Variants in DLGAP1 observed in about 807,000 individuals in gnomAD.
DLGAP1 encodes disks large-associated protein 1.
DLGAP1 carries 11 observed loss-of-function variants against 90.8 expected under a neutral mutation model. The observed-to-expected ratio is 0.12, with a 90% CI of 0.08 to 0.20. The LOEUF is 0.20. Ranked by LOEUF, DLGAP1 falls within the 10% of genes least tolerant of loss-of-function variation. The pLI is 1.00. For missense variants in DLGAP1, 1,050 were observed against 1,333.8 expected, an observed-to-expected ratio of 0.79 and a Z score of 3.31; for synonymous variants, 558 against 540.7, an observed-to-expected ratio of 1.03 and a Z score of -0.44.
rs578249919 is a variant in DLGAP1, at chr18:4,007,005, T to C, written c.-158-1804A>G. On this transcript the variant is annotated intron_variant, in intron 2 of 12. Transcript: ENST00000315677. Reference sequence around the variant, plus strand: ...GCAATGTTTAACTGAATAAGAAACATACAGTAATTGTATAGAAATAGGGCT... The same window carrying C: ...GCAATGTTTAACTGAATAAGAAACACACAGTAATTGTATAGAAATAGGGCT... 3.3e-4 allele frequency among the ~76,000 whole-genome samples: 51 copies of C among 152,244 alleles called. 1 individual carries two copies. The South Asian group carries it at 0.01, about 31-fold the overall frequency.
chr18:3,704,209 G>T (rs1358462266), intron 7 of DLGAP1, among the ~76,000 whole-genome samples: 1 of 152,184 alleles, frequency 6.6e-6, no homozygotes, highest in Non-Finnish European at 1.5e-5. Flanking sequence ...GGCAAGAATG[G>T]CTTTGCCTAG....
intron 9 of DLGAP1, among the ~76,000 whole-genome samples, chr18:3,541,005 C>T (rs1356908454): frequency 1.3e-5 from 2 of 152,136 alleles, no homozygotes; most frequent in Non-Finnish European, 2.9e-5. Context: ...GGAGTCTCAA[C>T]AAAACATCCT....
At chr18:3,917,593 A>T (rs945832479) in intron 3 of DLGAP1, among the ~76,000 whole-genome samples, 1 of 152,252 alleles carries the variant, frequency 6.6e-6, no homozygotes, top group Non-Finnish European at 1.5e-5. Flanking sequence ...TGAAGTCACT[A>T]GGCATGTACT....
chr18:3,665,709 T>C (rs938610341), intron 7 of DLGAP1, among the ~76,000 whole-genome samples: 4 of 152,214 alleles, frequency 2.6e-5, no homozygotes, highest in Non-Finnish European at 5.9e-5. Flanking sequence ...ATAATATTCT[T>C]GCTCTTTTAA....
chr18:3,993,511 G>A (rs918605282), intron 3 of DLGAP1, among the ~76,000 whole-genome samples: 10 of 151,994 alleles, frequency 6.6e-5, no homozygotes, highest in African/African-American at 2.2e-4. Flanking sequence ...TCATGAAGGG[G>A]AGAAAGGGAG....
chr18:4,173,912 C>T (rs980881307), intron 1 of DLGAP1, among the ~76,000 whole-genome samples: 3 of 152,128 alleles, frequency 2.0e-5, no homozygotes, highest in African/African-American at 7.2e-5. Context: ...ACCTGGCTCT[C>T]GGGACATCTC....
intron 4 of DLGAP1, chr18:3,874,176 G>T: frequency 6.5e-7 from 1 of 1,550,058 alleles, no homozygotes; most frequent in South Asian, 1.2e-5. Context: ...TCCATTTCTT[G>T]AAACTTGCAC....
intron 1 of DLGAP1, among the ~76,000 whole-genome samples, chr18:4,357,157 CTTTT>C (rs554248097): frequency 1.8e-5 from 2 of 108,744 alleles, no homozygotes; most frequent in Non-Finnish European, 1.7e-5. Context: ...TGTTTTTTTC[CTTTT>C]TTTTTTTTTT....
intron 4 of DLGAP1, among the ~76,000 whole-genome samples, chr18:3,870,054 C>G (rs973841212): frequency 2.6e-5 from 4 of 152,158 alleles, no homozygotes; most frequent in African/African-American, 9.7e-5. Context: ...ATCTATTAGG[C>G]TCTACTGCCC....
At chr18:4,337,102 A>T (rs2081085419) in intron 1 of DLGAP1, among the ~76,000 whole-genome samples, 1 of 148,886 alleles carries the variant, frequency 6.7e-6, no homozygotes, top group South Asian at 2.2e-4. Context: ...CGACAGAGTG[A>T]GACTCCATCT....
intron 9 of DLGAP1, among the ~76,000 whole-genome samples, chr18:3,545,499 G>T (rs1047399650): frequency 6.6e-6 from 1 of 151,996 alleles, no homozygotes; most frequent in African/African-American, 2.4e-5. Flanking sequence ...GGAAGAGGTT[G>T]TAAGATTGAA....
At chr18:3,739,632 C>A (rs1249788064) in intron 6 of DLGAP1, among the ~76,000 whole-genome samples, 1 of 91,270 alleles carries the variant, frequency 1.1e-5, no homozygotes, top group African/African-American at 4.6e-5. Flanking sequence ...GTTGTGGGGT[C>A]GGGGGAGGGG....
chr18:4,187,095 T>C (rs1245990105), intron 1 of DLGAP1, among the ~76,000 whole-genome samples: 2 of 152,204 alleles, frequency 1.3e-5, no homozygotes, highest in Non-Finnish European at 1.5e-5. Flanking sequence ...TTTTTGTACG[T>C]TGATTTTGCA....
intron 1 of DLGAP1, among the ~76,000 whole-genome samples, chr18:4,208,202 T>C (rs1055872478): frequency 2.0e-5 from 3 of 152,202 alleles, no homozygotes; most frequent in Non-Finnish European, 4.4e-5. Flanking sequence ...GCCTCCACCT[T>C]AGGAGCAGGT....
chr18:3,597,081 C>G (rs1046001304), intron 7 of DLGAP1: 4 of 520,008 alleles, frequency 7.7e-6, no homozygotes, highest in Non-Finnish European at 1.2e-5. Flanking sequence ...TCTTTTCACT[C>G]CTCGTTACTC....
At chr18:3,936,391 G>T (rs1568308670) in intron 3 of DLGAP1, among the ~76,000 whole-genome samples, 2 of 152,186 alleles carry the variant, frequency 1.3e-5, no homozygotes, top group African/African-American at 4.8e-5. Flanking sequence ...GACATTTCCA[G>T]TTGGTGCTGA....
At chr18:4,381,794 T>A (rs1227404990) in intron 1 of DLGAP1, among the ~76,000 whole-genome samples, 1 of 152,142 alleles carries the variant, frequency 6.6e-6, no homozygotes, top group Admixed American at 6.5e-5. Flanking sequence ...TTGCTTATTG[T>A]ATTAGTCTGT....
intron 1 of DLGAP1, chr18:4,295,553 GAACAAAGCAGTAAAACA>G (rs1157256370): frequency 6.6e-6 from 1 of 152,128 alleles, no homozygotes; most frequent in Non-Finnish European, 1.5e-5. Context: ...TCATGGGTGG[GAACAAAGCAGTAAAACA>G]AACACATACA....
intron 1 of DLGAP1, among the ~76,000 whole-genome samples, chr18:4,379,911 G>A (rs2082082590): frequency 6.6e-6 from 1 of 152,150 alleles, no homozygotes; most frequent in South Asian, 2.1e-4. Context: ...GAAAATTTAA[G>A]CCAATTTTGA....
Sources: allele counts gnomAD v4.1 joint callset (sites outside exome capture counted in the v4.1 genomes callset), GRCh38; gene constraint gnomAD v4.1.1; transcripts MANE v1.5; gene names NCBI Gene and HGNC (gene_info 2026-07-23, HGNC 2026-07-21).